GALNT14: variants seen among roughly 807,000 people sequenced by gnomAD.
GALNT14 encodes the protein UDP-GalNAc:polypeptide N-acetylgalactosaminyltransferase 14.
Under a neutral mutation model 77.5 loss-of-function variants are expected in GALNT14, and 60 were observed. The ratio of observed to expected loss-of-function variants is 0.77; its 90% CI spans 0.63 to 0.96. GALNT14 has a LOEUF of 0.96. Ranked by LOEUF, GALNT14 falls within the 40% of genes least tolerant of loss-of-function variation. The pLI, the probability that GALNT14 is intolerant of heterozygous loss-of-function variation, is 0.00. For missense variants in GALNT14, 710 were observed against 731.0 expected (o/e 0.97, Z 0.33); for synonymous variants, 280 against 281.7 (o/e 0.99, Z 0.06).
chr2:31,111,965 A>T (rs1677860319), intron 1 of GALNT14, among the ~76,000 whole-genome samples: 1 of 148,984 alleles, frequency 6.7e-6, no homozygotes, highest in Non-Finnish European at 1.5e-5. Flanking sequence ...ATGGGGCTGG[A>T]TGCCTTCTCC....
chr2:30,991,517 G>A (rs1296445860), intron 2 of GALNT14: 1 of 152,180 alleles, frequency 6.6e-6, no homozygotes, highest in African/African-American at 2.4e-5. Flanking sequence ...GAGTAAGCAG[G>A]TATAGCCCAC....
intron 1 of GALNT14, among the ~76,000 whole-genome samples, chr2:31,001,524 C>T (rs1365419534): frequency 1.3e-5 from 2 of 152,114 alleles, no homozygotes; most frequent in African/African-American, 4.8e-5. Flanking sequence ...ATCAGTTGTA[C>T]CCTGGCTCCC....
chr2:31,054,423 C>A (rs887223525), intron 1 of GALNT14, among the ~76,000 whole-genome samples: 14 of 152,202 alleles, frequency 9.2e-5, no homozygotes, highest in Non-Finnish European at 1.8e-4. Flanking sequence ...GTCCTCATAT[C>A]CTGTTTTATT....
Position 30,966,203 on chromosome 2 carries a change from C to T in GALNT14, c.398+1G>A, listed in dbSNP as rs1477199540. 2.5e-6 allele frequency: 4 copies of T among 1,613,496 alleles called. No homozygotes were observed. Among genetic ancestry groups the T allele is most frequent in the East Asian group, 2.2e-5 (1 of 44,872 alleles). On this transcript the variant is annotated splice_donor_variant, in intron 3 of 14. Coordinates refer to ENST00000349752, the MANE Select transcript of GALNT14 (RefSeq NM_024572.4). LOFTEE classifies it high-confidence loss of function. ...CCAACAGACAAGCAAGGATGCCTCA[C>T]CTGCGGATGGTCCTGAGCAGCGTGG...
intron 2 of GALNT14, chr2:30,986,961 G>A (rs1220297945): frequency 1.3e-5 from 2 of 152,186 alleles, no homozygotes; most frequent in African/African-American, 2.4e-5. Context: ...CAGTGTATGA[G>A]TATATATCTG....
intron 2 of GALNT14, among the ~76,000 whole-genome samples, chr2:30,981,034 C>T (rs1001823807): frequency 2.6e-5 from 4 of 152,232 alleles, no homozygotes; most frequent in African/African-American, 9.6e-5. Flanking sequence ...CACTTCACTC[C>T]AGCCTGGGCT....
At chr2:30,999,945 GA>G (rs1464051660) in intron 1 of GALNT14, among the ~76,000 whole-genome samples, 2 of 152,168 alleles carry the variant, frequency 1.3e-5, no homozygotes, top group Non-Finnish European at 2.9e-5. Flanking sequence ...TCCTCCCCAA[GA>G]GAGGCAAAAC....
intron 1 of GALNT14, among the ~76,000 whole-genome samples, chr2:31,016,913 G>A (rs1232559346): frequency 6.6e-6 from 1 of 152,150 alleles, no homozygotes; most frequent in Non-Finnish European, 1.5e-5. Context: ...GCACACAAAA[G>A]GGATCACGAG....
At chr2:30,951,187 A>G (rs1667006778) in intron 6 of GALNT14, among the ~76,000 whole-genome samples, 1 of 152,254 alleles carries the variant, frequency 6.6e-6, no homozygotes, top group Non-Finnish European at 1.5e-5. Flanking sequence ...TTGGATGGAT[A>G]AACAAAATGT....
chr2:30,891,196 A>G, the GALNT14 span, among the ~76,000 whole-genome samples: 5 of 152,306 alleles, frequency 3.3e-5, no homozygotes, highest in South Asian at 8.3e-4. Context: ...GTAGGTCACC[A>G]GAATCACCTA....
chr2:30,961,648 C>A (rs764357494), intron 3 of GALNT14, among the ~76,000 whole-genome samples: 16 of 151,708 alleles, frequency 1.1e-4, no homozygotes, highest in Non-Finnish European at 1.3e-4. Flanking sequence ...AATGCAAATT[C>A]TTGGGCCCCA....
chr2:30,984,780 G>A (rs901903719), intron 2 of GALNT14, among the ~76,000 whole-genome samples: 8 of 152,082 alleles, frequency 5.3e-5, no homozygotes, highest in Admixed American at 3.3e-4. Context: ...TCCCAGCCAC[G>A]TGTAAATTCC....
intron 1 of GALNT14, among the ~76,000 whole-genome samples, chr2:31,066,983 C>T (rs1211497195): frequency 6.6e-6 from 1 of 152,208 alleles, no homozygotes; most frequent in African/African-American, 2.4e-5. Context: ...TCAGCCTTTC[C>T]CTACCCTCTG....
chr2:30,966,862 A>C (rs943971675), intron 2 of GALNT14, among the ~76,000 whole-genome samples: 1 of 152,232 alleles, frequency 6.6e-6, no homozygotes, highest in Non-Finnish European at 1.5e-5. Context: ...CCCATCTTGA[A>C]AAGGCATTCA....
chr2:30,945,964 T>C, intron 6 of GALNT14, 94 bp from the exon 7 acceptor site: 1 of 978,974 alleles, frequency 1.0e-6, no homozygotes, highest in Non-Finnish European at 1.6e-6. Flanking sequence ...GGGCCAGAGA[T>C]GAGTTTTGTG....
intron 1 of GALNT14, among the ~76,000 whole-genome samples, chr2:31,094,907 A>G (rs1435109626): frequency 6.6e-6 from 1 of 152,152 alleles, no homozygotes; most frequent in African/African-American, 2.4e-5. Flanking sequence ...TATCCAATGA[A>G]CAGATTGGAC....
intron 1 of GALNT14, among the ~76,000 whole-genome samples, chr2:31,009,720 T>C (rs1438934279): frequency 6.6e-6 from 1 of 152,146 alleles, no homozygotes; most frequent in Non-Finnish European, 1.5e-5. Context: ...AGTAAAGAAA[T>C]GGCACCACCA....
At chr2:31,041,510 G>C (rs1354547203) in intron 1 of GALNT14, among the ~76,000 whole-genome samples, 2 of 152,130 alleles carry the variant, frequency 1.3e-5, no homozygotes, top group Admixed American at 6.5e-5. Flanking sequence ...CAGGGGTAGA[G>C]TAAAAGTTTC....
intron 1 of GALNT14, among the ~76,000 whole-genome samples, chr2:31,128,980 A>C (rs61052383): frequency 0.35 from 52,645 of 151,346 alleles, 11,843 homozygotes; most frequent in African/African-American, 0.65. Flanking sequence ...AAAAAAAAAA[A>C]ACACACAAAG....
Sources: allele counts gnomAD v4.1 joint callset (sites outside exome capture counted in the v4.1 genomes callset), GRCh38; gene constraint gnomAD v4.1.1; transcripts MANE v1.5; gene names NCBI Gene and HGNC (gene_info 2026-07-23, HGNC 2026-07-21).